The following YJU2 variants were observed in gnomAD, a reference collection of about 807,000 sequenced individuals.
YJU2 encodes the protein YJU2 splicing factor homolog, also known as splicing factor YJU2.
In YJU2, 28 loss-of-function variants were observed where a neutral mutation model predicts 39.6. The observed-to-expected ratio is 0.71, with a 90% CI of 0.52 to 0.97. The LOEUF is 0.97. Ranked by LOEUF, YJU2 falls within the 50% of genes least tolerant of loss-of-function variation. The pLI is 0.00. For missense variants in YJU2, 328 were observed against 430.4 expected (o/e 0.76, Z 2.11); for synonymous variants, 184 against 182.4 (o/e 1.01, Z -0.07).
intron 4 of YJU2, among the ~76,000 whole-genome samples, 185 bp downstream of exon 4, chr19:4,254,674 C>G (rs1246325091): frequency 2.0e-5 from 3 of 151,766 alleles, no homozygotes; most frequent in Non-Finnish European, 2.9e-5. Flanking sequence ...AATCTCAGCA[C>G]TTTGGGAGGC....
At chr19:4,256,830 C>T (rs989997060) in intron 4 of YJU2, among the ~76,000 whole-genome samples, 3 of 152,134 alleles carry the variant, frequency 2.0e-5, no homozygotes, top group South Asian at 2.1e-4. Flanking sequence ...ATGGCAGCTG[C>T]GTACCCCAGA....
chr19:4,256,233 C>T (rs1307552487), intron 4 of YJU2, among the ~76,000 whole-genome samples: 2 of 145,450 alleles, frequency 1.4e-5, no homozygotes, highest in African/African-American at 5.0e-5. Context: ...CATATATATA[C>T]ATACACATAT....
Position 4,258,110 on chromosome 19 carries a change from G to A in YJU2, c.406-132G>A, listed in dbSNP as rs1354518583. ...GACACAGCGCTGGGCATGGGCAGGG[G>A]GTTCCCTGAGCAGGATGGAAACGTG... On this transcript the variant is annotated intron_variant, in intron 4 of 7. Coordinates refer to ENST00000262962, the MANE Select transcript of YJU2 (RefSeq NM_018074.6). The A allele has an allele frequency of 6.8e-6, 9 of 1,319,574 alleles. No homozygotes were observed. In the South Asian group the frequency reaches 1.0e-4, roughly 15 times the overall value. 81.7% of individuals were successfully genotyped at this position (1,319,574 alleles called of 1,614,324 possible).
chr19:4,258,563 C>T (rs1328855832), intron 5 of YJU2, 140 bp downstream of exon 5: 2 of 1,351,856 alleles, frequency 1.5e-6, no homozygotes, highest in East Asian at 2.5e-5. Flanking sequence ...CTCACTTTCT[C>T]CCTTGTGGCG....
At chr19:4,253,058 A>C (rs1413029136) in intron 3 of YJU2, among the ~76,000 whole-genome samples, 1 of 152,046 alleles carries the variant, frequency 6.6e-6, no homozygotes, top group Non-Finnish European at 1.5e-5. Context: ...ACCAGGGTAC[A>C]TCTGTCACAG....
intron 3 of YJU2, among the ~76,000 whole-genome samples, chr19:4,252,582 C>A (rs147000054): frequency 6.6e-6 from 1 of 151,764 alleles, no homozygotes; most frequent in African/African-American, 2.4e-5. Flanking sequence ...CCAGCCTGGG[C>A]GACAGAGCGA....
rs201152988 is a variant in YJU2 at position 4,261,949 on chromosome 19, T to C, written c.588-45T>C. On this transcript the variant is annotated intron_variant, in intron 5 of 7. Coordinates refer to ENST00000262962, the MANE Select transcript of YJU2 (RefSeq NM_018074.6). ...CCCAGCAGGTACATCCCAGGCACTG[T>C]TCCCCAAACAGAGCACGTCCAAGTT... is the stretch of plus-strand genomic sequence containing the variant. 1.9e-5 allele frequency: 30 copies of C among 1,599,152 alleles called. No individual in the cohort carries two copies. In the African/African-American group the frequency reaches 3.5e-4, roughly 19 times the overall value.
At chr19:4,267,573 CTG>C (rs1568364774) in intron 6 of YJU2, 49 bp from the exon 7 acceptor site, 2 of 1,586,636 alleles carry the variant, frequency 1.3e-6, no homozygotes, top group Admixed American at 3.4e-5. Flanking sequence ...AGGGGCCAGA[CTG>C]GGCCCTGGAT....
In YJU2 at chr19:4,247,651, GTGTGTGTGTGT is replaced by G. The variant is rs1568359681; in HGVS notation, c.24+482_24+492del. ...TGTGTGTGTGTGTGTGTGTGTGTGTGTGTGTGTGTGTGTGTGTGTGTGTGTGTGTGTGTGTG... is the reference window on the plus strand; with the variant it reads ...TGTGTGTGTGTGTGTGTGTGTGTGTGGTGTGTGTGTGTGTGTGTGTGTGTG... On this transcript the variant is annotated intron_variant, in intron 1 of 7. Transcript: ENST00000262962. 1.7e-3 allele frequency among the ~76,000 whole-genome samples: 121 copies of G among 70,096 alleles called. 10 individuals carry two copies. Among genetic ancestry groups the G allele is most frequent in the African/African-American group, 2.2e-3 (32 of 14,874 alleles). 46.0% of individuals were successfully genotyped at this position (70,096 alleles called of 152,430 possible). A position where few individuals can be genotyped will look rare whatever the true frequency, so the allele number is the denominator to read the frequency against.
intron 6 of YJU2, among the ~76,000 whole-genome samples, chr19:4,265,372 C>T (rs1003572316): frequency 2.3e-4 from 35 of 151,848 alleles, no homozygotes; most frequent in African/African-American, 8.5e-4. Flanking sequence ...CTCAGCCTCT[C>T]AAGTAGCTGG....
intron 6 of YJU2, among the ~76,000 whole-genome samples, chr19:4,263,472 A>G (rs960266807): frequency 6.6e-6 from 1 of 152,148 alleles, no homozygotes; most frequent in Non-Finnish European, 1.5e-5. Context: ...AAACTGTGAG[A>G]TGCATCCTCC....
At position 4,258,367 on chromosome 19, in the gene YJU2, C is replaced by T. The variant is rs1194749138; in HGVS notation, c.531C>T (p.Arg177=). 6.3e-7 allele frequency: 1 copy of T among 1,597,380 alleles called. No homozygotes were observed. The highest frequency in any genetic ancestry group is 1.3e-5 in the African/African-American group (1 of 74,826). Residue 177 remains arginine (R), a synonymous_variant, in exon 5 of 8, where the codon CGC becomes CGT. Coordinates refer to ENST00000262962, the MANE Select transcript of YJU2 (RefSeq NM_018074.6). ...VDFEAMLRQH[R]LSEEERRRQQ... is the part of the protein sequence containing the mutation. Reference sequence around the variant, plus strand: ...TCGAGGCTATGCTGAGGCAGCACCGCCTGTCGGAGGAGGAGCGGCGGAGGC... The same window carrying T: ...TCGAGGCTATGCTGAGGCAGCACCGTCTGTCGGAGGAGGAGCGGCGGAGGC...
intron 7 of YJU2, among the ~76,000 whole-genome samples, chr19:4,268,206 A>G (rs1971132807): frequency 6.6e-6 from 1 of 152,046 alleles, no homozygotes; most frequent in Non-Finnish European, 1.5e-5. Flanking sequence ...CGGCCTCCCA[A>G]AATGCTGGGA....
chr19:4,248,559 G>C (rs1439490374), intron 1 of YJU2, among the ~76,000 whole-genome samples: 1 of 152,138 alleles, frequency 6.6e-6, no homozygotes, highest in East Asian at 1.9e-4. Context: ...AGAATTGCTG[G>C]GGAGTTGGGA....
intron 5 of YJU2, among the ~76,000 whole-genome samples, chr19:4,260,376 C>T (rs1031620198): frequency 4.6e-5 from 7 of 151,946 alleles, no homozygotes; most frequent in South Asian, 2.1e-4. Flanking sequence ...TATAGTGAGC[C>T]GAGATGGTGC....
intron 6 of YJU2, among the ~76,000 whole-genome samples, chr19:4,265,852 G>A (rs1246487446): frequency 6.6e-6 from 1 of 152,030 alleles, no homozygotes; most frequent in Non-Finnish European, 1.5e-5. Flanking sequence ...ACCCGCCTCG[G>A]CCTCCCAAAG....
chr19:4,256,181 A>ATATATATATATATAT (rs1555725230), intron 4 of YJU2, among the ~76,000 whole-genome samples: 1 of 125,898 alleles, frequency 7.9e-6, no homozygotes, highest in African/African-American at 3.1e-5. Flanking sequence ...AAAAAAAAAA[A>ATATATATATATATAT]ATATATATAT....
At chr19:4,265,644 AGT>A (rs1971109564) in intron 6 of YJU2, among the ~76,000 whole-genome samples, 1 of 151,824 alleles carries the variant, frequency 6.6e-6, no homozygotes, top group Non-Finnish European at 1.5e-5. Context: ...GCTGGAGTGC[AGT>A]GGCACGGTCT....
intron 3 of YJU2, among the ~76,000 whole-genome samples, chr19:4,253,406 G>A (rs1201632134): frequency 1.3e-5 from 2 of 152,048 alleles, no homozygotes; most frequent in East Asian, 3.8e-4. Flanking sequence ...GCGAAACCCT[G>A]TCTCTACCAA....
Sources: gnomAD v4.1 joint callset for allele counts (sites outside exome capture counted in the v4.1 genomes callset) on GRCh38, gnomAD v4.1.1 for gene constraint, MANE v1.5 for transcripts, NCBI Gene and HGNC (gene_info 2026-07-23, HGNC 2026-07-21) for gene names.